Variants in TENM3 observed in about 807,000 individuals in gnomAD.
TENM3 encodes the protein teneurin-3.
TENM3 carries 63 observed loss-of-function variants against 255.1 expected under a neutral mutation model. The observed-to-expected ratio is 0.25, with a 90% CI of 0.20 to 0.30. The LOEUF is 0.30. TENM3 is among the 10% of genes least tolerant of loss of function. TENM3 has a pLI of 1.00. For missense variants in TENM3, 2,929 were observed against 3,461.1 expected (o/e 0.85, Z 3.86); for synonymous variants, 1,306 against 1,322.3 (o/e 0.99, Z 0.27).
intron 1 of TENM3, among the ~76,000 whole-genome samples, chr4:182,302,366 A>G (rs17238532): frequency 0.25 from 38,193 of 152,066 alleles, 5,960 homozygotes; most frequent in South Asian, 0.38. Context: ...GGGGTTCCCT[A>G]TGGGTGATTC....
intron 3 of TENM3, among the ~76,000 whole-genome samples, chr4:182,473,409 C>T (rs1016091767): frequency 6.6e-6 from 1 of 152,196 alleles, no homozygotes; most frequent in African/African-American, 2.4e-5. Flanking sequence ...TGCCGTGGCT[C>T]ATGCCTGTAA....
chr4:182,603,969 A>G (rs1420783532), intron 4 of TENM3, among the ~76,000 whole-genome samples: 1 of 151,998 alleles, frequency 6.6e-6, no homozygotes, highest in Non-Finnish European at 1.5e-5. Context: ...GCATGTAATA[A>G]CCCTTGAAAA....
the TENM3 span, among the ~76,000 whole-genome samples, chr4:181,892,813 A>T: frequency 5.9e-5 from 9 of 152,022 alleles, no homozygotes; most frequent in East Asian, 1.7e-3. Context: ...ACAGGCTGAA[A>T]CTCTCTATAC....
At chr4:181,496,180 A>G in the TENM3 span, among the ~76,000 whole-genome samples, 1 of 152,084 alleles carries the variant, frequency 6.6e-6, no homozygotes, top group South Asian at 2.1e-4. Context: ...CCCAAGGAAA[A>G]AATAACAGAG....
intron 1 of TENM3, among the ~76,000 whole-genome samples, chr4:182,267,979 G>A (rs1759349375): frequency 6.6e-6 from 1 of 152,140 alleles, no homozygotes; most frequent in South Asian, 2.1e-4. Context: ...ATCTCTGACT[G>A]TTACTCAGAA....
At chr4:182,304,795 T>A (rs1223660536) in intron 1 of TENM3, among the ~76,000 whole-genome samples, 1 of 152,168 alleles carries the variant, frequency 6.6e-6, no homozygotes, top group Non-Finnish European at 1.5e-5. Context: ...TAAAACTGTT[T>A]GGCATGGATA....
chr4:182,445,880 A>T (rs1463638287), intron 3 of TENM3, among the ~76,000 whole-genome samples: 2 of 152,336 alleles, frequency 1.3e-5, no homozygotes, highest in East Asian at 3.9e-4. Flanking sequence ...AAGTTATAGA[A>T]GGCGATATCC....
intron 2 of TENM3, among the ~76,000 whole-genome samples, chr4:182,333,546 A>G (rs940150066): frequency 6.6e-5 from 10 of 152,120 alleles, no homozygotes; most frequent in Admixed American, 2.6e-4. Context: ...CTTTATTCAA[A>G]TAAACTCACA....
chr4:182,047,751 G>T, the TENM3 span, among the ~76,000 whole-genome samples: 4 of 151,998 alleles, frequency 2.6e-5, no homozygotes, highest in Non-Finnish European at 5.9e-5. Flanking sequence ...TCGTATAAGT[G>T]CATCGTACCC....
the TENM3 span, among the ~76,000 whole-genome samples, chr4:181,681,293 G>T: frequency 1.0e-3 from 153 of 151,194 alleles, no homozygotes; most frequent in African/African-American, 3.6e-3. Flanking sequence ...GTTTTTTTTC[G>T]TAGAAATAAC....
At chr4:182,096,690 G>A in the TENM3 span, among the ~76,000 whole-genome samples, 2 of 152,098 alleles carry the variant, frequency 1.3e-5, no homozygotes, top group Admixed American at 6.5e-5. Context: ...TATAAAGACC[G>A]CCTTTAGTCT....
In TENM3 at chr4:182,331,128, A is replaced by T. The variant is rs76153244; in HGVS notation, c.232+6876A>T. Among the ~76,000 whole-genome samples, 614 of 152,346 alleles carry T rather than the reference A, an allele frequency of 4.0e-3. 4 individuals carry two copies. The highest frequency in any genetic ancestry group is 0.014 in the African/African-American group (580 of 41,586). On this transcript the variant is annotated intron_variant, in intron 2 of 27. Transcript: ENST00000511685. ...GCAGTGAGGAAAGGGATTGACTAGC[A>T]GTCTGACCAATTTAGCAAAAACAGC...
At chr4:182,071,444 C>G in the TENM3 span, among the ~76,000 whole-genome samples, 1 of 146,266 alleles carries the variant, frequency 6.8e-6, no homozygotes, top group African/African-American at 2.5e-5. Flanking sequence ...TTTCTTTTTT[C>G]TTTTCTTTTT....
chr4:181,822,975 T>C, the TENM3 span, among the ~76,000 whole-genome samples: 1 of 152,066 alleles, frequency 6.6e-6, no homozygotes, highest in African/African-American at 2.4e-5. Context: ...GCAATGAGAA[T>C]ACGATCTAAA....
chr4:181,955,166 C>CT, the TENM3 span, among the ~76,000 whole-genome samples: 1 of 151,990 alleles, frequency 6.6e-6, no homozygotes, highest in African/African-American at 2.4e-5. Flanking sequence ...GAAGCTGTAG[C>CT]TTTTTTTTAT....
the TENM3 span, among the ~76,000 whole-genome samples, chr4:182,018,408 T>C: frequency 5.3e-5 from 8 of 152,266 alleles, no homozygotes; most frequent in African/African-American, 1.9e-4. Context: ...GTTGTAATCA[T>C]CTGGAGTGTT....
intron 3 of TENM3, among the ~76,000 whole-genome samples, chr4:182,351,159 T>A (rs13148469): frequency 6.6e-6 from 1 of 151,692 alleles, no homozygotes; most frequent in South Asian, 2.1e-4. Flanking sequence ...AGTAACTCAG[T>A]GTCAAGAGAT....
At chr4:181,489,663 G>T in the TENM3 span, among the ~76,000 whole-genome samples, 1 of 152,142 alleles carries the variant, frequency 6.6e-6, no homozygotes, top group Non-Finnish European at 1.5e-5. Flanking sequence ...GTACATGCAT[G>T]TGTGTGTATA....
At chr4:182,298,640 T>C (rs1761645128) in intron 1 of TENM3, among the ~76,000 whole-genome samples, 1 of 151,792 alleles carries the variant, frequency 6.6e-6, no homozygotes, top group Non-Finnish European at 1.5e-5. Flanking sequence ...AAAGTGAAGA[T>C]TGGAGAAAAT....
Sources: allele counts gnomAD v4.1 joint callset (sites outside exome capture counted in the v4.1 genomes callset), GRCh38; gene constraint gnomAD v4.1.1; transcripts MANE v1.5; gene names NCBI Gene and HGNC (gene_info 2026-07-23, HGNC 2026-07-21).